UNC13C: variants seen among roughly 807,000 people sequenced by gnomAD.
The protein encoded by UNC13C is protein unc-13 homolog C.
A neutral mutation model predicts 245.4 loss-of-function variants in UNC13C; 174 were observed. That is an observed-to-expected ratio of 0.71 (90% CI 0.63 to 0.80). The LOEUF (loss-of-function observed/expected upper bound fraction) is 0.80, where lower values mean the gene tolerates loss of function less well. UNC13C is among the 30% of genes least tolerant of loss of function. The pLI is 0.00. For missense variants in UNC13C, 2,829 were observed against 2,602.9 expected (o/e 1.09, Z -1.89); for synonymous variants, 992 against 895.1 (o/e 1.11, Z -1.93).
rs1896726816 is a variant in UNC13C at position 54,551,306 on chromosome 15, G to A, written c.5877+1615G>A. 1.3e-5 allele frequency among the ~76,000 whole-genome samples: 2 copies of A among 152,054 alleles called. 1 individual carries two copies. Among genetic ancestry groups the A allele is most frequent in the South Asian group, 4.1e-4 (2 of 4,820 alleles). On this transcript the variant is annotated intron_variant, in intron 28 of 32. Transcript: ENST00000260323. ...CTTGTAGAGAAAAACACCCATCTCA[G>A]TGCAAGGAATCACAGCAAAGTCTCC... is the stretch of plus-strand genomic sequence containing the variant.
chr15:54,455,096 G>C (rs1191641009), intron 19 of UNC13C, among the ~76,000 whole-genome samples: 1 of 142,258 alleles, frequency 7.0e-6, no homozygotes, highest in Non-Finnish European at 1.5e-5. Context: ...TTAGAATAAT[G>C]GTCTCCAACT....
chr15:54,057,076 C>T (rs1205127103), intron 2 of UNC13C, among the ~76,000 whole-genome samples: 1 of 152,120 alleles, frequency 6.6e-6, no homozygotes, highest in African/African-American at 2.4e-5. Flanking sequence ...AACCAGCTAA[C>T]ATCATAATGA....
intron 10 of UNC13C, among the ~76,000 whole-genome samples, chr15:54,293,324 A>G (rs1325749229): frequency 6.6e-6 from 1 of 152,064 alleles, no homozygotes; most frequent in Admixed American, 6.6e-5. Flanking sequence ...AAGAGGGTGA[A>G]GAAAACCTGG....
intron 8 of UNC13C, among the ~76,000 whole-genome samples, chr15:54,263,516 T>C (rs1371314102): frequency 6.6e-6 from 1 of 152,098 alleles, no homozygotes; most frequent in Non-Finnish European, 1.5e-5. Context: ...TGAAAAACAA[T>C]GTCCCAGAAA....
chr15:54,182,294 T>C (rs1349236483), intron 4 of UNC13C, among the ~76,000 whole-genome samples: 2 of 152,118 alleles, frequency 1.3e-5, no homozygotes, highest in Non-Finnish European at 2.9e-5. Flanking sequence ...GAGACGATCA[T>C]ATGATTTTCA....
the UNC13C span, among the ~76,000 whole-genome samples, chr15:53,840,624 C>A: frequency 0.027 from 4,102 of 152,204 alleles, 82 homozygotes; most frequent in East Asian, 0.078. Flanking sequence ...TCTCCTTTTG[C>A]CTTGATGTAC....
chr15:54,072,105 G>A (rs11071026), intron 2 of UNC13C, among the ~76,000 whole-genome samples: 74,856 of 151,870 alleles, frequency 0.49, 20,293 homozygotes, highest in Non-Finnish European at 0.61. Flanking sequence ...TAGACTTTGT[G>A]TCTCTTTGTT....
rs541081192 is a variant in UNC13C, at chr15:54,130,119, C to T, written c.2984-12899C>T. ...ATCATTTCCATTATGATTTCTTTTCCTATAAAATAAGGCATGCTTAAAAGT... is the reference window on the plus strand; with the variant it reads ...ATCATTTCCATTATGATTTCTTTTCTTATAAAATAAGGCATGCTTAAAAGT... On this transcript the variant is annotated intron_variant, in intron 2 of 32. Transcript: ENST00000260323. Among the ~76,000 whole-genome samples the T allele has an allele frequency of 5.3e-5, 8 of 151,408 alleles. No individual in the cohort carries two copies. In the South Asian group the frequency reaches 1.7e-3, roughly 32 times the overall value.
At chr15:54,161,522 C>G (rs2032974043) in intron 4 of UNC13C, among the ~76,000 whole-genome samples, 1 of 152,052 alleles carries the variant, frequency 6.6e-6, no homozygotes, top group Non-Finnish European at 1.5e-5. Flanking sequence ...TTAATAACAA[C>G]TGCCAGAATT....
the UNC13C span, among the ~76,000 whole-genome samples, chr15:53,901,295 C>T: frequency 6.8e-6 from 1 of 147,986 alleles, no homozygotes; most frequent in East Asian, 2.0e-4. Flanking sequence ...TCTCAGCTCA[C>T]TACAAGCTCC....
chr15:54,005,952 G>T (rs1336773647), intron 1 of UNC13C, among the ~76,000 whole-genome samples: 1 of 152,166 alleles, frequency 6.6e-6, no homozygotes, highest in Non-Finnish European at 1.5e-5. Context: ...AAATGGTGGA[G>T]GATATTACTT....
intron 7 of UNC13C, among the ~76,000 whole-genome samples, chr15:54,240,071 A>G (rs2035810874): frequency 6.6e-6 from 1 of 152,192 alleles, no homozygotes; most frequent in African/African-American, 2.4e-5. Context: ...CAGGGAACAT[A>G]TCCTCGCTTT....
chr15:54,575,202 A>G lies in UNC13C; in HGVS notation c.6106+7255A>G, dbSNP rs1255619141. Reference sequence around the variant, plus strand: ...AGGTGCCCGCCACCACACCCAGCTAATTTTTGTAATTTTAGTAGAGACGGT... The same window carrying G: ...AGGTGCCCGCCACCACACCCAGCTAGTTTTTGTAATTTTAGTAGAGACGGT... On this transcript the variant is annotated intron_variant, in intron 30 of 32. Coordinates refer to ENST00000260323, the MANE Select transcript of UNC13C (RefSeq NM_001080534.3). Among the ~76,000 whole-genome samples, 20 of 152,162 alleles carry G rather than the reference A, an allele frequency of 1.3e-4. No individual in the cohort carries two copies. In the East Asian group the frequency reaches 3.9e-3, roughly 29 times the overall value.
chr15:54,451,662 T>A (rs906030300), intron 19 of UNC13C, among the ~76,000 whole-genome samples: 3 of 152,206 alleles, frequency 2.0e-5, no homozygotes. Flanking sequence ...ATATCCTGAA[T>A]TGTTTTTCTG....
At chr15:54,475,622 A>G (rs1163533571) in intron 19 of UNC13C, among the ~76,000 whole-genome samples, 66 of 150,052 alleles carry the variant, frequency 4.4e-4, no homozygotes, top group African/African-American at 1.4e-3. Flanking sequence ...CCATGTCCCT[A>G]CAAAGGACAT....
intron 19 of UNC13C, among the ~76,000 whole-genome samples, chr15:54,481,870 T>A (rs565511736): frequency 1.3e-5 from 2 of 152,140 alleles, no homozygotes; most frequent in Non-Finnish European, 2.9e-5. Flanking sequence ...TGTGTGGGTA[T>A]AGGCAGCAGT....
At chr15:53,860,152 T>C in the UNC13C span, among the ~76,000 whole-genome samples, 1 of 152,290 alleles carries the variant, frequency 6.6e-6, no homozygotes, top group East Asian at 1.9e-4. Context: ...TCAATTGTAT[T>C]ATATAGTTAT....
At chr15:54,123,227 A>G (rs1395059488) in intron 2 of UNC13C, among the ~76,000 whole-genome samples, 1 of 151,846 alleles carries the variant, frequency 6.6e-6, no homozygotes, top group Non-Finnish European at 1.5e-5. Context: ...ACTTTTCCCT[A>G]TTCATATATT....
chr15:54,060,784 A>G (rs1330368770), intron 2 of UNC13C, among the ~76,000 whole-genome samples: 7 of 149,254 alleles, frequency 4.7e-5, no homozygotes, highest in South Asian at 2.1e-4. Flanking sequence ...AATACTATGC[A>G]GCCATAAAAA....
Sources: gnomAD v4.1 joint callset for allele counts (sites outside exome capture counted in the v4.1 genomes callset) on GRCh38, gnomAD v4.1.1 for gene constraint, MANE v1.5 for transcripts, NCBI Gene and HGNC (gene_info 2026-07-23, HGNC 2026-07-21) for gene names.